The following NEAT1 variants were observed in gnomAD, a reference collection of about 807,000 sequenced individuals.
NEAT1 encodes the protein MENepsilon/beta.
exon 1 of NEAT1, chr11:65,438,818 T>G (rs977978010): frequency 6.6e-6 from 1 of 152,224 alleles, no homozygotes; most frequent in Non-Finnish European, 1.5e-5. Flanking sequence ...TTATTTCTGG[T>G]TTTTGGCTAT....
chr11:65,425,027 G>C (rs957668756), exon 1 of NEAT1: 1 of 151,962 alleles, frequency 6.6e-6, no homozygotes, highest in African/African-American at 2.4e-5. Flanking sequence ...TGGTGGGGGT[G>C]GTAGGAAATG....
chr11:65,433,020 A>C (rs532461680), exon 1 of NEAT1: 96 of 152,006 alleles, frequency 6.3e-4, no homozygotes, highest in African/African-American at 2.2e-3. Context: ...AAAAAAAAAA[A>C]AAACCACAAA....
chr11:65,428,655 G>A (rs1168767231), exon 1 of NEAT1: 1 of 152,120 alleles, frequency 6.6e-6, no homozygotes, highest in Non-Finnish European at 1.5e-5. Flanking sequence ...CTAACATTAC[G>A]AAAAGATGAA....
At chr11:65,436,989 T>C (rs897778310) in exon 1 of NEAT1, 1 of 152,058 alleles carries the variant, frequency 6.6e-6, no homozygotes, top group Non-Finnish European at 1.5e-5. Context: ...GCTGTGCCCT[T>C]AAACTTGGTT....
At chr11:65,429,535 C>G (rs1856596022) in exon 1 of NEAT1, 1 of 150,804 alleles carries the variant, frequency 6.6e-6, no homozygotes, top group Non-Finnish European at 1.5e-5. Flanking sequence ...TTTCTAATTC[C>G]TAGTCATTTT....
chr11:65,424,338 T>A (rs1856538393), exon 1 of NEAT1: 1 of 152,208 alleles, frequency 6.6e-6, no homozygotes. Context: ...CTGCATCTTC[T>A]AAATTGAGCC....
exon 1 of NEAT1, chr11:65,429,935 G>C (rs957869422): frequency 6.6e-6 from 1 of 152,212 alleles, no homozygotes; most frequent in Non-Finnish European, 1.5e-5. Context: ...ACAGTGGCAG[G>C]GTTCAATTCA....
exon 1 of NEAT1, chr11:65,436,933 C>T (rs1198510942): frequency 6.6e-6 from 1 of 152,024 alleles, no homozygotes; most frequent in African/African-American, 2.4e-5. Context: ...CAGCTTCCAC[C>T]TCAAGGAGGT....
exon 1 of NEAT1, chr11:65,432,462 A>G (rs976605078): frequency 6.6e-6 from 1 of 152,174 alleles, no homozygotes; most frequent in African/African-American, 2.4e-5. Flanking sequence ...ATAATAACTG[A>G]TAAGTCCATT....
chr11:65,434,720 T>G (rs1459719469), exon 1 of NEAT1: 1 of 152,030 alleles, frequency 6.6e-6, no homozygotes, highest in Admixed American at 6.5e-5. Flanking sequence ...AGTCCGACAT[T>G]TTTCTCCATT....
chr11:65,435,872 A>T (rs541669613), exon 1 of NEAT1: 1 of 152,188 alleles, frequency 6.6e-6, no homozygotes, highest in Non-Finnish European at 1.5e-5. Context: ...TTTCCCCTAC[A>T]CAGATTAAAT....
exon 1 of NEAT1, chr11:65,423,630 G>C (rs1856525910): frequency 1.3e-5 from 2 of 152,320 alleles, no homozygotes; most frequent in Admixed American, 1.3e-4. Flanking sequence ...TTTCCAGGTG[G>C]CAGTGCTCCT....
At chr11:65,434,058 C>T (rs1175510775) in exon 1 of NEAT1, 1 of 152,056 alleles carries the variant, frequency 6.6e-6, no homozygotes, top group Non-Finnish European at 1.5e-5. Context: ...ATGGAACATT[C>T]TCATTTAATA....
At chr11:65,424,635 A>G (rs1590670474) in exon 1 of NEAT1, 1 of 152,186 alleles carries the variant, frequency 6.6e-6, no homozygotes, top group Admixed American at 6.5e-5. Flanking sequence ...TAAGGGTGTC[A>G]TTGTGTTGTG....
exon 1 of NEAT1, chr11:65,428,395 TCTGA>T (rs1330610248): frequency 1.3e-5 from 2 of 152,128 alleles, no homozygotes; most frequent in East Asian, 1.9e-4. Flanking sequence ...CCTTGGTGCA[TCTGA>T]CTGACTATGA....
exon 1 of NEAT1, chr11:65,438,513 C>T (rs991402672): frequency 1.3e-5 from 2 of 152,138 alleles, no homozygotes; most frequent in African/African-American, 2.4e-5. Flanking sequence ...GCTCTGTATT[C>T]ATAAAAAAAT....
chr11:65,439,712 T>C (rs1379888026), exon 1 of NEAT1: 1 of 151,464 alleles, frequency 6.6e-6, no homozygotes, highest in Admixed American at 6.6e-5. Flanking sequence ...AAAAAATGAC[T>C]GGCTATATTC....
exon 1 of NEAT1, chr11:65,426,978 T>C: frequency 6.6e-6 from 1 of 152,182 alleles, no homozygotes; most frequent in East Asian, 1.9e-4. Context: ...TGGGTCTAAG[T>C]GTATGCGTAA....
exon 1 of NEAT1, chr11:65,442,031 AAGGTTTCGTGTGGGC>A (rs1856719343): frequency 6.6e-6 from 1 of 152,136 alleles, no homozygotes; most frequent in Non-Finnish European, 1.5e-5. Flanking sequence ...AGGAAGATGT[AAGGTTTCGTGTGGGC>A]AGCGAGAGCC....
Sources: gnomAD v4.1 joint callset for allele counts on GRCh38, gnomAD v4.1.1 for gene constraint, MANE v1.5 for transcripts, NCBI Gene and HGNC (gene_info 2026-07-23, HGNC 2026-07-21) for gene names.